Variants in FAM124B observed in about 807,000 individuals in gnomAD.
FAM124B encodes the protein family with sequence similarity 124 member B, also known as protein FAM124B.
FAM124B carries 18 observed loss-of-function variants against 19.7 expected under a neutral mutation model. The ratio of observed to expected loss-of-function variants is 0.92; its 90% CI spans 0.63 to 1.36. FAM124B has a LOEUF of 1.36. Ranked by LOEUF, FAM124B falls within the 40% of genes most tolerant of loss-of-function variation. The pLI, the probability that FAM124B is intolerant of heterozygous loss-of-function variation, is 0.00. For missense variants in FAM124B, 540 were observed against 553.3 expected, an observed-to-expected ratio of 0.98 and a Z score of 0.24; for synonymous variants, 223 against 225.2, an observed-to-expected ratio of 0.99 and a Z score of 0.09.
In FAM124B at chr2:224,401,539, G is replaced by A. The variant is rs149161165; in HGVS notation, c.230C>T (p.Pro77Leu). 6.2e-7 allele frequency: 1 copy of A among 1,613,986 alleles called. No individual in the cohort carries two copies. Among genetic ancestry groups the A allele is most frequent in the African/African-American group, 1.3e-5 (1 of 74,904 alleles). ...MSVLLFLHES[P>L]GEDRLFRVLD... is the part of the protein sequence containing the mutation. ...GACGCGAAATAGCCTATCCTCTCCC[G>A]GGCTTTCGTGCAGGAAGAGCAACAC... Residue 77 changes from proline to leucine, a missense_variant, in exon 1 of 2, where the codon CCG becomes CTG. Pro to Leu is a moderately conservative substitution (Grantham distance 98, BLOSUM62 -3). Transcript: ENST00000409685.
intron 1 of FAM124B, chr2:224,400,477 G>A: frequency 1.4e-6 from 1 of 697,228 alleles, no homozygotes; most frequent in Non-Finnish European, 2.6e-6. Flanking sequence ...CCGCACTCGA[G>A]TCTGGGCAAC....
intron 1 of FAM124B, among the ~76,000 whole-genome samples, chr2:224,393,965 C>T (rs950868993): frequency 5.9e-5 from 9 of 152,124 alleles, no homozygotes; most frequent in Non-Finnish European, 1.2e-4. Context: ...GCAATGGCAA[C>T]ACACAAGCAA....
At position 224,380,064 on chromosome 2, in the gene FAM124B, G is replaced by C; in HGVS notation, c.877C>G (p.His293Asp). 1 of 1,551,652 alleles carries C rather than the reference G, an allele frequency of 6.4e-7. No homozygotes were observed. The highest frequency in any genetic ancestry group is 1.2e-5 in the South Asian group (1 of 84,060). Residue 293 changes from histidine (H) to aspartate (D), a missense_variant, in exon 2 of 2, where the codon CAT (histidine) becomes GAT (aspartate). Transcript: ENST00000409685. ...CTGGGCTCAGGAAGCTCCAGAGAAT[G>C]CCCCTGGGACCTCTTGCCCTGGTTC... The part of the protein sequence containing the change: ...QRNQGKRSQG[H>D]SLELPEPSGS...
intron 1 of FAM124B, among the ~76,000 whole-genome samples, chr2:224,389,439 T>C (rs1045566840): frequency 6.6e-6 from 1 of 152,194 alleles, no homozygotes; most frequent in Non-Finnish European, 1.5e-5. Flanking sequence ...GTAATAATAA[T>C]GTGCGTTTGA....
chr2:224,391,621 G>C (rs1443365356), intron 1 of FAM124B, among the ~76,000 whole-genome samples: 1 of 152,116 alleles, frequency 6.6e-6, no homozygotes, highest in Non-Finnish European at 1.5e-5. Context: ...AACTGTAATG[G>C]AAATCAAAAC....
At chr2:224,383,688 G>A (rs1574571044) in intron 1 of FAM124B, among the ~76,000 whole-genome samples, 1 of 152,200 alleles carries the variant, frequency 6.6e-6, no homozygotes, top group East Asian at 1.9e-4. Flanking sequence ...TCAAAATCAG[G>A]AGGAAAAAAT....
intron 1 of FAM124B, among the ~76,000 whole-genome samples, chr2:224,390,158 C>G (rs181200970): frequency 1.9e-3 from 272 of 145,382 alleles, no homozygotes; most frequent in African/African-American, 6.6e-3. Flanking sequence ...CACACACACA[C>G]AGAAAAGGAA....
Position 224,388,963 on chromosome 2 carries a change from C to T in FAM124B, c.733-8755G>A, listed in dbSNP as rs878908650. Among the ~76,000 whole-genome samples, 9 of 152,228 alleles carry T rather than the reference C, an allele frequency of 5.9e-5. No homozygotes were observed. In the South Asian group the frequency reaches 1.2e-3, roughly 21 times the overall value. ...TTTTATTATTTTTGAGACGGAGTCT[C>T]GCTCTGTTGCCCAGGCTGGAGTGCT... is the stretch of plus-strand genomic sequence containing the variant. On this transcript the variant is annotated intron_variant, in intron 1 of 1. Coordinates refer to ENST00000409685, the MANE Select transcript of FAM124B (RefSeq NM_001122779.2).
At chr2:224,383,705 T>A (rs550989328) in intron 1 of FAM124B, among the ~76,000 whole-genome samples, 2 of 152,238 alleles carry the variant, frequency 1.3e-5, no homozygotes, top group South Asian at 2.1e-4. Flanking sequence ...AAATACTATC[T>A]CCGAAATGTC....
chr2:224,382,572 G>A (rs764657911), intron 1 of FAM124B, among the ~76,000 whole-genome samples: 1 of 151,914 alleles, frequency 6.6e-6, no homozygotes, highest in Non-Finnish European at 1.5e-5. Context: ...ACCACGCCCA[G>A]CTAATTTTGT....
At chr2:224,394,499 G>A (rs1027458352) in intron 1 of FAM124B, among the ~76,000 whole-genome samples, 8 of 152,136 alleles carry the variant, frequency 5.3e-5, no homozygotes, top group Middle Eastern at 3.4e-3. Flanking sequence ...AAACTGCACC[G>A]GCTTTGACTG....
At chr2:224,382,727 A>G (rs1689742154) in intron 1 of FAM124B, among the ~76,000 whole-genome samples, 1 of 152,028 alleles carries the variant, frequency 6.6e-6, no homozygotes, top group South Asian at 2.1e-4. Context: ...TTTTCCAAAC[A>G]ATTTCTTACC....
intron 1 of FAM124B, among the ~76,000 whole-genome samples, chr2:224,391,030 G>C (rs1242182936): frequency 2.7e-5 from 4 of 149,270 alleles, no homozygotes; most frequent in African/African-American, 9.8e-5. Flanking sequence ...TTAGAAGCTG[G>C]AAAAGAGTCT....
At chr2:224,386,606 C>A (rs918101991) in intron 1 of FAM124B, among the ~76,000 whole-genome samples, 1 of 152,168 alleles carries the variant, frequency 6.6e-6, no homozygotes, top group Admixed American at 6.5e-5. Context: ...GCAGTCTGAA[C>A]TTCTCGTATC....
chr2:224,397,585 C>T (rs1413935883), intron 1 of FAM124B, among the ~76,000 whole-genome samples: 2 of 152,150 alleles, frequency 1.3e-5, no homozygotes, highest in East Asian at 3.9e-4. Context: ...AAGTTTGGAA[C>T]TTCCTAGAGA....
intron 1 of FAM124B, among the ~76,000 whole-genome samples, chr2:224,396,230 C>T (rs1401076338): frequency 6.6e-6 from 1 of 152,136 alleles, no homozygotes; most frequent in Non-Finnish European, 1.5e-5. Flanking sequence ...CCCTTCACTC[C>T]AGCCACATGA....
intron 1 of FAM124B, among the ~76,000 whole-genome samples, chr2:224,398,554 T>G (rs1413896479): frequency 2.0e-5 from 3 of 152,208 alleles, no homozygotes; most frequent in Non-Finnish European, 2.9e-5. Context: ...AGGCGATCTC[T>G]CACTCTGTTT....
intron 1 of FAM124B, among the ~76,000 whole-genome samples, chr2:224,382,102 C>T (rs761064790): frequency 2.6e-5 from 4 of 152,160 alleles, no homozygotes; most frequent in Non-Finnish European, 4.4e-5. Context: ...ACAAGGACTT[C>T]CACTGATTCT....
At position 224,378,706 on chromosome 2, in the gene FAM124B, C is replaced by CA. The variant is rs1015944867; in HGVS notation, c.*866dup. On this transcript the variant is annotated 3_prime_UTR_variant, in exon 2 of 2. Coordinates refer to ENST00000409685, the MANE Select transcript of FAM124B (RefSeq NM_001122779.2). Reference sequence around the variant, plus strand: ...AATGTCTTATTCAAATGTAGGTATTCAAAAAATGTTTATTGAATGAACATA... The same window carrying CA: ...AATGTCTTATTCAAATGTAGGTATTCAAAAAAATGTTTATTGAATGAACATA... 6.6e-6 allele frequency: 1 copy of CA among 152,026 alleles called. No homozygotes were observed. The highest frequency in any genetic ancestry group is 1.5e-5 in the Non-Finnish European group (1 of 67,996). 9.4% of individuals were successfully genotyped at this position (152,026 alleles called of 1,614,324 possible).
Sources: allele counts gnomAD v4.1 joint callset (sites outside exome capture counted in the v4.1 genomes callset), GRCh38; gene constraint gnomAD v4.1.1; transcripts MANE v1.5; gene names NCBI Gene and HGNC (gene_info 2026-07-23, HGNC 2026-07-21).